Variants in SLIT3 observed in about 807,000 individuals in gnomAD.
SLIT3 encodes slit homolog 3 protein.
SLIT3 carries 68 observed loss-of-function variants against 184.0 expected under a neutral mutation model. That is an observed-to-expected ratio of 0.37 (90% CI 0.30 to 0.45). SLIT3 has a LOEUF of 0.45. Among genes scored for constraint, SLIT3 ranks in the 20% least tolerant of loss-of-function variants. The pLI is 1.00. For missense variants in SLIT3, 1,707 were observed against 2,026.0 expected (o/e 0.84, Z 3.02); for synonymous variants, 831 against 828.6 (o/e 1.00, Z -0.05).
At chr5:168,699,926 C>A (rs77083393) in intron 27 of SLIT3, among the ~76,000 whole-genome samples, 1 of 152,176 alleles carries the variant, frequency 6.6e-6, no homozygotes, top group African/African-American at 2.4e-5. Flanking sequence ...CTGACTTTAG[C>A]CAGCAGCAGA....
intron 14 of SLIT3, among the ~76,000 whole-genome samples, chr5:168,769,559 C>G (rs989285686): frequency 6.6e-6 from 1 of 152,162 alleles, no homozygotes; most frequent in Admixed American, 6.5e-5. Context: ...TCTCATCACA[C>G]GCACTAGAGT....
At chr5:168,804,667 G>A in intron 9 of SLIT3, among the ~76,000 whole-genome samples, 1 of 152,202 alleles carries the variant, frequency 6.6e-6, no homozygotes, top group East Asian at 1.9e-4. Context: ...CTGCCAGAGG[G>A]TGCGGAGGCA....
chr5:169,164,611 G>A (rs10058857), intron 4 of SLIT3, among the ~76,000 whole-genome samples: 31,270 of 152,112 alleles, frequency 0.21, 4,222 homozygotes, highest in Middle Eastern at 0.36. Context: ...GGCCTTCCCC[G>A]CCAGACCCTC....
intron 29 of SLIT3, among the ~76,000 whole-genome samples, chr5:168,692,242 G>A (rs1461829885): frequency 6.6e-6 from 1 of 152,228 alleles, no homozygotes; most frequent in Non-Finnish European, 1.5e-5. Flanking sequence ...TTCCCCAGTG[G>A]AATTGCTCTA....
chr5:168,951,310 A>G (rs531738672), intron 4 of SLIT3, among the ~76,000 whole-genome samples: 1 of 152,320 alleles, frequency 6.6e-6, no homozygotes, highest in East Asian at 1.9e-4. Flanking sequence ...CATCTAAGCC[A>G]TGGGGGGCAG....
chr5:169,280,233 G>A (rs953527966), intron 1 of SLIT3, among the ~76,000 whole-genome samples: 7 of 152,230 alleles, frequency 4.6e-5, no homozygotes, highest in Non-Finnish European at 1.0e-4. Context: ...GCAAGGAGGT[G>A]CTATCAAAGC....
intron 9 of SLIT3, among the ~76,000 whole-genome samples, chr5:168,803,279 CA>C (rs1380970344): frequency 6.6e-6 from 1 of 152,066 alleles, no homozygotes; most frequent in African/African-American, 2.4e-5. Context: ...TAAGGAAGTC[CA>C]AAAACTGAAA....
At chr5:169,261,686 A>G (rs1000224514) in intron 1 of SLIT3, among the ~76,000 whole-genome samples, 12 of 152,202 alleles carry the variant, frequency 7.9e-5, no homozygotes, top group African/African-American at 2.9e-4. Context: ...AGGAACTTTT[A>G]TTTCTTTGCT....
rs778225372 is a variant in SLIT3 at position 168,823,262 on chromosome 5, A to T, written c.627T>A (p.Thr209=). The part of the protein sequence containing the change: ...TSFNHMPKIR[T]LRLHSNHLYC... ...AGATGCACAGACTTCTTACTCACAG[A>T]GTTCGGATCTTCGGCATGTGGTTGA... The change falls in exon 7 of 36, where the codon ACT becomes ACA. Residue 209 remains threonine (T), a splice_region_variant and synonymous_variant. Transcript: ENST00000519560. 6.2e-7 allele frequency: 1 copy of T among 1,613,284 alleles called. No homozygotes were observed. Among genetic ancestry groups the T allele is most frequent in the Admixed American group, 1.7e-5 (1 of 60,026 alleles).
rs758071143 is a variant in SLIT3 at position 168,669,799 on chromosome 5, G to A, written c.4320C>T (p.Gly1440=). Residue 1440 remains glycine (G), a synonymous_variant, in exon 35 of 36, where the codon GGC becomes GGT. Transcript: ENST00000519560. ...TAGACCCACCTTGTTGGCAGTGCTCGCCGCTAAAGCCGGGCTGGCACAGGC... is the reference window on the plus strand; with the variant it reads ...TAGACCCACCTTGTTGGCAGTGCTCACCGCTAAAGCCGGGCTGGCACAGGC... ...PYCLCQPGFS[G]EHCQQENPCL... 3.7e-5 allele frequency: 60 copies of A among 1,613,482 alleles called. No individual in the cohort carries two copies. Among genetic ancestry groups the A allele is most frequent in the South Asian group, 1.2e-4 (11 of 91,056 alleles).
intron 25 of SLIT3, among the ~76,000 whole-genome samples, chr5:168,710,544 G>A (rs1378990728): frequency 6.6e-6 from 1 of 151,916 alleles, no homozygotes; most frequent in Non-Finnish European, 1.5e-5. Flanking sequence ...CAGGAGGATC[G>A]TTGGAGATCA....
In SLIT3 at chr5:168,795,496, G is replaced by A; in HGVS notation, c.1007+11C>T. 1 of 1,605,872 alleles carries A rather than the reference G, an allele frequency of 6.2e-7. No homozygotes were observed. Among genetic ancestry groups the A allele is most frequent in the Non-Finnish European group, 8.5e-7 (1 of 1,172,654 alleles). On this transcript the variant is annotated intron_variant, in intron 10 of 35. Transcript: ENST00000519560. ...AACATTTGGGCCCATTTCTCCACAGGGGAAACTCACATTCGCTTCAGTTTC... is the reference window on the plus strand; with the variant it reads ...AACATTTGGGCCCATTTCTCCACAGAGGAAACTCACATTCGCTTCAGTTTC...
intron 3 of SLIT3, among the ~76,000 whole-genome samples, chr5:169,239,291 T>C (rs941861454): frequency 6.6e-6 from 1 of 152,190 alleles, no homozygotes; most frequent in East Asian, 1.9e-4. Flanking sequence ...CACATTGGTT[T>C]ATATTTTTTT....
chr5:168,809,489 G>A (rs995855924), intron 8 of SLIT3, among the ~76,000 whole-genome samples: 1 of 152,176 alleles, frequency 6.6e-6, no homozygotes, highest in African/African-American at 2.4e-5. Context: ...GGCTTACAAT[G>A]AGGTTGAAAG....
At chr5:169,197,190 T>C (rs1249652898) in intron 3 of SLIT3, among the ~76,000 whole-genome samples, 2 of 152,298 alleles carry the variant, frequency 1.3e-5, no homozygotes, top group African/African-American at 4.8e-5. Flanking sequence ...GCCAATTGTG[T>C]GCTGCCCACT....
chr5:169,090,309 C>T (rs1328977074), intron 4 of SLIT3, among the ~76,000 whole-genome samples: 2 of 152,166 alleles, frequency 1.3e-5, no homozygotes, highest in East Asian at 1.9e-4. Context: ...GCTTCTCCCT[C>T]CCAGTGCCTC....
chr5:168,673,727 T>C (rs939782343), intron 32 of SLIT3, among the ~76,000 whole-genome samples: 1 of 152,254 alleles, frequency 6.6e-6, no homozygotes, highest in African/African-American at 2.4e-5. Flanking sequence ...CACTGTTATC[T>C]AGTCTATTAT....
Position 168,931,481 on chromosome 5 carries a change from G to C in SLIT3, c.414-48145C>G, listed in dbSNP as rs939253983. Among the ~76,000 whole-genome samples, 14 of 152,184 alleles carry C rather than the reference G, an allele frequency of 9.2e-5. 1 individual carries two copies. Among genetic ancestry groups the C allele is most frequent in the African/African-American group, 3.4e-4 (14 of 41,446 alleles). ...GAGACATGGCCCCTGGTGTCACTGA[G>C]CCTAAGGTTGAAGGGGGAGAGTGAC... On this transcript the variant is annotated intron_variant, in intron 4 of 35. Transcript: ENST00000519560.
intron 1 of SLIT3, among the ~76,000 whole-genome samples, chr5:169,254,940 A>G (rs1469224372): frequency 1.3e-5 from 2 of 152,256 alleles, no homozygotes; most frequent in East Asian, 3.8e-4. Flanking sequence ...TGTAAGAGAT[A>G]ATACAGTCAT....
Sources: allele counts gnomAD v4.1 joint callset (sites outside exome capture counted in the v4.1 genomes callset), GRCh38; gene constraint gnomAD v4.1.1; transcripts MANE v1.5; gene names NCBI Gene and HGNC (gene_info 2026-07-23, HGNC 2026-07-21).